IGSF3: variants seen among roughly 807,000 people sequenced by gnomAD.
IGSF3 encodes glu-Trp-Ile EWI motif-containing protein 3.
A neutral mutation model predicts 114.4 loss-of-function variants in IGSF3; 23 were observed. The ratio of observed to expected loss-of-function variants is 0.20; its 90% confidence interval spans 0.14 to 0.28. The LOEUF is 0.28. Among genes scored for constraint, IGSF3 ranks in the 10% least tolerant of loss-of-function variants. The pLI, the probability that IGSF3 is intolerant of heterozygous loss-of-function variation, is 1.00. For synonymous variants in IGSF3, 571 were observed against 645.2 expected (o/e 0.88, Z 1.74); for missense variants, 1,172 against 1,591.5 (o/e 0.74, Z 4.48).
chr1:116,604,930 T>C (rs1425826328), intron 5 of IGSF3, among the ~76,000 whole-genome samples: 2 of 152,188 alleles, frequency 1.3e-5, no homozygotes, highest in African/African-American at 2.4e-5. Context: ...AAAAAGTAAA[T>C]GAGATGATGC....
At position 116,588,370 on chromosome 1, in the gene IGSF3, C is replaced by A. The variant is rs1372022300; in HGVS notation, c.2440+324G>T. Among the ~76,000 whole-genome samples, 1 of 152,132 alleles carries A rather than the reference C, an allele frequency of 6.6e-6. No individual in the cohort carries two copies. Among genetic ancestry groups the A allele is most frequent in the Non-Finnish European group, 1.5e-5 (1 of 68,012 alleles). ...CAAGATTCAGGGTGCAAACTGCAAA[C>A]CCAGAAGAAGATTCAGGAGCTGCCA... On this transcript the variant is annotated intron_variant, in intron 8 of 10. Coordinates refer to ENST00000369486, the MANE Select transcript of IGSF3 (RefSeq NM_001007237.3). This position sits in a 1 kb window ranked among gnomAD's most constrained non-coding sequence, Gnocchi z 4.9.
rs1462047341 is a variant in IGSF3 at position 116,588,050 on chromosome 1, A to G, written c.2440+644T>C. On this transcript the variant is annotated intron_variant, in intron 8 of 10. Coordinates refer to ENST00000369486, the MANE Select transcript of IGSF3 (RefSeq NM_001007237.3). This position sits in a 1 kb window ranked among gnomAD's most constrained non-coding sequence, Gnocchi z 4.9. Reference sequence around the variant, plus strand: ...GGGCAGATCTAAAAAGGGAAATTACAGGAAAGTGAACTTTTTAACAATCAG... The same window carrying G: ...GGGCAGATCTAAAAAGGGAAATTACGGGAAAGTGAACTTTTTAACAATCAG... Among the ~76,000 whole-genome samples, 1 of 152,252 alleles carries G rather than the reference A, an allele frequency of 6.6e-6. No individual in the cohort carries two copies.
intron 6 of IGSF3, among the ~76,000 whole-genome samples, chr1:116,602,153 A>G (rs533292666): frequency 6.6e-6 from 1 of 152,362 alleles, no homozygotes; most frequent in African/African-American, 2.4e-5. Flanking sequence ...CTCTAGCCAG[A>G]GGTATCTCAG....
At position 116,585,154 on chromosome 1, in the gene IGSF3, G is replaced by T; in HGVS notation, c.2441-102C>A. The T allele has an allele frequency of 1.2e-6, 1 of 850,678 alleles. No homozygotes were observed. Among genetic ancestry groups the T allele is most frequent in the Non-Finnish European group, 1.8e-6 (1 of 557,132 alleles). 52.7% of individuals were successfully genotyped at this position (850,678 alleles called of 1,614,324 possible). A position where few individuals can be genotyped will look rare whatever the true frequency, so the allele number is the denominator to read the frequency against. On this transcript the variant is annotated intron_variant, in intron 8 of 10. Coordinates refer to ENST00000369486, the MANE Select transcript of IGSF3 (RefSeq NM_001007237.3). This position sits in a 1 kb window ranked among gnomAD's most constrained non-coding sequence, Gnocchi z 4.9. ...AATGGATGCCTTCCAAATACAGAAGGACGGCAGCACACACTCCATTAGGAG... is the reference window on the plus strand; with the variant it reads ...AATGGATGCCTTCCAAATACAGAAGTACGGCAGCACACACTCCATTAGGAG...
rs1647422673 is a variant in IGSF3 at position 116,628,827 on chromosome 1, C to A, written c.44-12370G>T. Among the ~76,000 whole-genome samples, 3 of 152,162 alleles carry A rather than the reference C, an allele frequency of 2.0e-5. No individual in the cohort carries two copies. Among genetic ancestry groups the A allele is most frequent in the Admixed American group, 2.0e-4 (3 of 15,280 alleles). The stretch of plus-strand genomic sequence containing the variant: ...CCCTGGATTGGACATTTTCCCTATT[C>A]AATTCAAGGACCATGTTCTTGAGCA... On this transcript the variant is annotated intron_variant, in intron 2 of 10. Coordinates refer to ENST00000369486, the MANE Select transcript of IGSF3 (RefSeq NM_001007237.3). The surrounding 1 kb of genome is among the most constrained non-coding windows in gnomAD (Gnocchi z 4.2).
chr1:116,647,062 GA>G lies in IGSF3; in HGVS notation c.43+19221del, dbSNP rs1648410683. The G allele has an allele frequency of 6.5e-6, 1 of 152,686 alleles. No individual in the cohort carries two copies. The highest frequency in any genetic ancestry group is 1.5e-5 in the Non-Finnish European group (1 of 68,348). 9.5% of individuals were successfully genotyped at this position (152,686 alleles called of 1,614,324 possible). On this transcript the variant is annotated intron_variant, in intron 2 of 10. Transcript: ENST00000369486. This position sits in a 1 kb window ranked among gnomAD's most constrained non-coding sequence, Gnocchi z 4.6. The stretch of plus-strand genomic sequence containing the variant: ...GAGAGAACAGTGGAACTGGCAGAGA[GA>G]GGCACTGGTGCAGATGGAGAGGGCA...
In IGSF3 at chr1:116,650,783, A is replaced by C. The variant is rs1285664665; in HGVS notation, c.43+15501T>G. Among the ~76,000 whole-genome samples the C allele has an allele frequency of 2.6e-5, 4 of 152,236 alleles. No individual in the cohort carries two copies. The highest frequency in any genetic ancestry group is 5.9e-5 in the Non-Finnish European group (4 of 68,050). ...CTGTGGGTGTGAGAAAAGAGTGTGC[A>C]TTATAATAGGGTGCTACAATTGGAC... is the stretch of plus-strand genomic sequence containing the variant. On this transcript the variant is annotated intron_variant, in intron 2 of 10. Coordinates refer to ENST00000369486, the MANE Select transcript of IGSF3 (RefSeq NM_001007237.3). The surrounding 1 kb of genome is among the most constrained non-coding windows in gnomAD (Gnocchi z 5.0).
intron 2 of IGSF3, among the ~76,000 whole-genome samples, chr1:116,617,763 C>T (rs1661276808): frequency 6.6e-6 from 1 of 152,232 alleles, no homozygotes; most frequent in African/African-American, 2.4e-5. Flanking sequence ...CAATAAAGAG[C>T]TGCTGGCTAA....
At position 116,646,577 on chromosome 1, in the gene IGSF3, A is replaced by G. The variant is rs114439416; in HGVS notation, c.43+19707T>C. ...GAAGATGGCGTTAAAGAGTATTCAT[A>G]GGTAACTAAGATTGCCAGAGGGAGA... On this transcript the variant is annotated intron_variant, in intron 2 of 10. Coordinates refer to ENST00000369486, the MANE Select transcript of IGSF3 (RefSeq NM_001007237.3). 7.0e-3 allele frequency among the ~76,000 whole-genome samples: 1,071 copies of G among 152,346 alleles called. 20 individuals carry two copies. The highest frequency in any genetic ancestry group is 0.025 in the African/African-American group (1,040 of 41,580).
intron 2 of IGSF3, among the ~76,000 whole-genome samples, chr1:116,620,942 T>C (rs1661396560): frequency 6.6e-6 from 1 of 152,124 alleles, no homozygotes; most frequent in Admixed American, 6.5e-5. Flanking sequence ...GATGATATGG[T>C]TGGGGTCTCT....
Position 116,592,074 on chromosome 1 carries a change from A to G in IGSF3, c.2030-2970T>C, listed in dbSNP as rs1277872831. 6.6e-6 allele frequency among the ~76,000 whole-genome samples: 1 copy of G among 152,124 alleles called. No individual in the cohort carries two copies. The highest frequency in any genetic ancestry group is 1.5e-5 in the Non-Finnish European group (1 of 68,018). On this transcript the variant is annotated intron_variant, in intron 7 of 10. Transcript: ENST00000369486. The surrounding 1 kb of genome is among the most constrained non-coding windows in gnomAD (Gnocchi z 4.5). ...TGGGAGTTGTCAAGCATAAGTGGCA[A>G]TCTTCCTGCTCAAAGTGCTGTTCTC...
chr1:116,592,479 G>T lies in IGSF3; in HGVS notation c.2030-3375C>A, dbSNP rs1489533006. ...TGCAACTGGAGAGTTTCCTTCCCAG[G>T]CTTGTGATTAAAACTTGGAAGATCT... On this transcript the variant is annotated intron_variant, in intron 7 of 10. Transcript: ENST00000369486. The surrounding 1 kb of genome is among the most constrained non-coding windows in gnomAD (Gnocchi z 4.5). Among the ~76,000 whole-genome samples the T allele has an allele frequency of 2.0e-5, 3 of 152,152 alleles. No individual in the cohort carries two copies.
chr1:116,658,161 C>A (rs1648948661), intron 2 of IGSF3, among the ~76,000 whole-genome samples: 1 of 152,086 alleles, frequency 6.6e-6, no homozygotes. Flanking sequence ...CCTGCCTCAG[C>A]CTCCCAAGTA....
In IGSF3 at chr1:116,577,706, T is replaced by C. The variant is rs1436173989; in HGVS notation, c.3335-144A>G. 1.5e-6 allele frequency: 1 copy of C among 688,198 alleles called. No individual in the cohort carries two copies. The highest frequency in any genetic ancestry group is 2.5e-6 in the Non-Finnish European group (1 of 405,922). The allele number at this position is 688,198 out of a possible 1,614,324, so 42.6% of individuals were successfully genotyped here. Reference sequence around the variant, plus strand: ...CTTGTCTTTCCCCTGCTACCATTAATGGTGGAAGATGACCCTTATATTCTT... The same window carrying C: ...CTTGTCTTTCCCCTGCTACCATTAACGGTGGAAGATGACCCTTATATTCTT... On this transcript the variant is annotated intron_variant, in intron 10 of 10. Transcript: ENST00000369486. This position sits in a 1 kb window ranked among gnomAD's most constrained non-coding sequence, Gnocchi z 5.7.
chr1:116,620,759 G>C (rs1485940377), intron 2 of IGSF3, among the ~76,000 whole-genome samples: 1 of 152,104 alleles, frequency 6.6e-6, no homozygotes, highest in African/African-American at 2.4e-5. Flanking sequence ...TGTTGTTGTT[G>C]AGACAGGGTC....
Position 116,624,943 on chromosome 1 carries a change from C to T in IGSF3, c.44-8486G>A, listed in dbSNP as rs912596928. Among the ~76,000 whole-genome samples, 1 of 152,220 alleles carries T rather than the reference C, an allele frequency of 6.6e-6. No individual in the cohort carries two copies. Among genetic ancestry groups the T allele is most frequent in the African/African-American group, 2.4e-5 (1 of 41,466 alleles). ...ATCAGCACCCAGCTCCACCTGCCAC[C>T]ATGTGAGTGAACAAGCCTCCACTGT... On this transcript the variant is annotated intron_variant, in intron 2 of 10. Coordinates refer to ENST00000369486, the MANE Select transcript of IGSF3 (RefSeq NM_001007237.3). This position sits in a 1 kb window ranked among gnomAD's most constrained non-coding sequence, Gnocchi z 4.9.
chr1:116,593,767 C>G lies in IGSF3; in HGVS notation c.2030-4663G>C, dbSNP rs536820380. Among the ~76,000 whole-genome samples, 39 of 152,308 alleles carry G rather than the reference C, an allele frequency of 2.6e-4. No individual in the cohort carries two copies. Among genetic ancestry groups the G allele is most frequent in the African/African-American group, 8.9e-4 (37 of 41,572 alleles). On this transcript the variant is annotated intron_variant, in intron 7 of 10. Transcript: ENST00000369486. The surrounding 1 kb of genome is among the most constrained non-coding windows in gnomAD (Gnocchi z 4.5). The stretch of plus-strand genomic sequence containing the variant: ...AAATGGGGCATGCTACTGCCCACGG[C>G]TGCCCACCCCACAGCCCGTGACAGC...
rs1316631372 is a variant in IGSF3, at chr1:116,610,573, C to T, written c.833-2242G>A. ...CAAATGTCACAAATGATCCACCCTA[C>T]CCCTACCCCCATCCTAACCAAAGGC... On this transcript the variant is annotated intron_variant, in intron 4 of 10. Transcript: ENST00000369486. This position sits in a 1 kb window ranked among gnomAD's most constrained non-coding sequence, Gnocchi z 4.3. Among the ~76,000 whole-genome samples the T allele has an allele frequency of 6.6e-6, 1 of 152,180 alleles. No homozygotes were observed. The highest frequency in any genetic ancestry group is 1.5e-5 in the Non-Finnish European group (1 of 68,024).
rs1397696417 is a variant in IGSF3 at position 116,616,304 on chromosome 1, T to C, written c.197A>G (p.Glu66Gly). The C allele has an allele frequency of 1.9e-6, 3 of 1,612,060 alleles. No individual in the cohort carries two copies. Among genetic ancestry groups the C allele is most frequent in the Non-Finnish European group, 2.5e-6 (3 of 1,179,878 alleles). ...QWSIYLPSSP[E>G]REVQIVSTMD... ...GGTGCTGACGATCTGCACCTCTCGC[T>C]CTGGCGACGAAGGCAGGTAAATGGA... The change falls in exon 3 of 11, where the codon GAG (glutamate) becomes GGG (glycine). Residue 66 changes from glutamate (E) to glycine (G), a missense_variant. Glu to Gly is a moderately conservative substitution (Grantham distance 98). Transcript: ENST00000369486. The surrounding 1 kb of genome is among the most constrained non-coding windows in gnomAD (Gnocchi z 6.6).
Sources: gnomAD v4.1 joint callset for allele counts (sites outside exome capture counted in the v4.1 genomes callset) on GRCh38, gnomAD v4.1.1 for gene constraint, Gnocchi (gnomAD v3.1) non-coding constraint, MANE v1.5 for transcripts, NCBI Gene and HGNC (gene_info 2026-07-23, HGNC 2026-07-21) for gene names.